ADGRL3: variants seen among roughly 807,000 people sequenced by gnomAD.
The protein encoded by ADGRL3 is adhesion G protein-coupled receptor L3.
In ADGRL3, 62 loss-of-function variants were observed where a neutral mutation model predicts 153.5. That is an observed-to-expected ratio of 0.40 (90% CI 0.33 to 0.50). The LOEUF is 0.50. Ranked by LOEUF, ADGRL3 falls within the 20% of genes least tolerant of loss-of-function variation. The pLI is 0.47. For synonymous variants in ADGRL3, 710 were observed against 672.5 expected (o/e 1.06, Z -0.86); for missense variants, 1,641 against 1,859.4 (o/e 0.88, Z 2.16).
chr4:61,479,950 A>G (rs758400419), intron 2 of ADGRL3, among the ~76,000 whole-genome samples: 4 of 152,168 alleles, frequency 2.6e-5, no homozygotes, highest in Non-Finnish European at 5.9e-5. Flanking sequence ...GCATGTATGC[A>G]TTGTGAAATT....
chr4:61,774,368 A>G (rs1187119223), intron 8 of ADGRL3, among the ~76,000 whole-genome samples: 22 of 148,000 alleles, frequency 1.5e-4, no homozygotes, highest in African/African-American at 5.5e-4. Flanking sequence ...AAAAAAAAAA[A>G]AAAGAAAGAA....
chr4:61,732,608 A>G (rs1297426043), intron 7 of ADGRL3, 146 bp from the exon 8 acceptor site: 3 of 442,348 alleles, frequency 6.8e-6, no homozygotes, highest in Non-Finnish European at 1.2e-5. Context: ...GTGGAAGAAT[A>G]CTTTGTGTTC....
In ADGRL3 at chr4:61,946,735, T is replaced by C. The variant is rs374572474; in HGVS notation, c.2420-179T>C. ...AGGCTCATTTTAAAAAATATTGGTA[T>C]GTAGTTGTTTTAGCATAATTTGAAT... On this transcript the variant is annotated intron_variant, in intron 15 of 26. Coordinates refer to ENST00000683033, the MANE Select transcript of ADGRL3 (RefSeq NM_001387552.1). Among the ~76,000 whole-genome samples, 24 of 152,332 alleles carry C rather than the reference T, an allele frequency of 1.6e-4. 2 individuals are homozygous for C. The South Asian group carries it at 5.0e-3, about 32-fold the overall frequency.
At chr4:61,605,011 A>G (rs2099026547) in intron 5 of ADGRL3, among the ~76,000 whole-genome samples, 1 of 146,092 alleles carries the variant, frequency 6.8e-6, no homozygotes, top group South Asian at 2.2e-4. Flanking sequence ...AATCACTTGA[A>G]CCTGGGAGGC....
chr4:61,401,529 C>T (rs924186217), intron 2 of ADGRL3, among the ~76,000 whole-genome samples: 1 of 151,930 alleles, frequency 6.6e-6, no homozygotes, highest in Non-Finnish European at 1.5e-5. Flanking sequence ...TAAAAGCCTG[C>T]TCAAATATAG....
At chr4:61,562,620 G>T (rs2098799822) in intron 4 of ADGRL3, among the ~76,000 whole-genome samples, 1 of 152,060 alleles carries the variant, frequency 6.6e-6, no homozygotes, top group South Asian at 2.1e-4. Context: ...CTCCTCTTCT[G>T]TTCAAGTTTG....
intron 11 of ADGRL3, among the ~76,000 whole-genome samples, chr4:61,897,065 A>T (rs144168319): frequency 2.1e-3 from 327 of 152,318 alleles, no homozygotes; most frequent in African/African-American, 7.6e-3. Context: ...ACTGATAATG[A>T]TGCTTAATTC....
At chr4:61,589,119 GT>G (rs1560893068) in intron 5 of ADGRL3, among the ~76,000 whole-genome samples, 2 of 151,988 alleles carry the variant, frequency 1.3e-5, no homozygotes, top group African/African-American at 2.4e-5. Context: ...TATGGGATGC[GT>G]ACACTAAGTG....
rs150512616 is a variant in ADGRL3 at position 61,725,072 on chromosome 4, T to C, written c.584-5550T>C. Among the ~76,000 whole-genome samples, 389 of 152,288 alleles carry C rather than the reference T, an allele frequency of 2.6e-3. 5 individuals are homozygous for C. Among genetic ancestry groups the C allele is most frequent in the African/African-American group, 8.5e-3 (354 of 41,580 alleles). The stretch of plus-strand genomic sequence containing the variant: ...TTTCTTTGAAAATACCATAGTGCCA[T>C]TTAGTCATTGCACAAAGCATGGCAA... On this transcript the variant is annotated intron_variant, in intron 6 of 26. Coordinates refer to ENST00000683033, the MANE Select transcript of ADGRL3 (RefSeq NM_001387552.1).
intron 17 of ADGRL3, among the ~76,000 whole-genome samples, chr4:61,952,632 A>G (rs1422829117): frequency 6.6e-6 from 1 of 152,186 alleles, no homozygotes; most frequent in Non-Finnish European, 1.5e-5. Flanking sequence ...TTAAATTTTG[A>G]TGTTCGAAGG....
intron 9 of ADGRL3, among the ~76,000 whole-genome samples, chr4:61,815,857 T>C (rs2097682862): frequency 6.6e-6 from 1 of 152,190 alleles, no homozygotes; most frequent in Non-Finnish European, 1.5e-5. Context: ...AGAGCAGCCC[T>C]CACCAGACAC....
chr4:61,242,997 G>T (rs1437776640), intron 1 of ADGRL3, among the ~76,000 whole-genome samples: 1 of 152,040 alleles, frequency 6.6e-6, no homozygotes, highest in Non-Finnish European at 1.5e-5. Context: ...TAGGGCAAGT[G>T]CCATAAGCAG....
intron 1 of ADGRL3, among the ~76,000 whole-genome samples, chr4:61,365,384 A>G: frequency 6.6e-6 from 1 of 152,228 alleles, no homozygotes; most frequent in East Asian, 1.9e-4. Flanking sequence ...AAAGGCATAG[A>G]ACACACTCCC....
chr4:61,242,017 C>T (rs1176355298), intron 1 of ADGRL3, among the ~76,000 whole-genome samples: 1 of 152,026 alleles, frequency 6.6e-6, no homozygotes, highest in East Asian at 1.9e-4. Context: ...CCTCCAGCTT[C>T]CTCTCACATC....
At chr4:61,611,650 C>T (rs984233933) in intron 5 of ADGRL3, among the ~76,000 whole-genome samples, 9 of 152,062 alleles carry the variant, frequency 5.9e-5, no homozygotes, top group African/African-American at 1.4e-4. Flanking sequence ...AGGCCAGGCA[C>T]GGCGGCTCGT....
rs80057322 is a variant in ADGRL3, at chr4:61,310,822, C to T, written c.-239-72302C>T. Among the ~76,000 whole-genome samples the T allele has an allele frequency of 2.0e-4, 30 of 151,598 alleles. No homozygotes were observed. In the East Asian group the frequency reaches 5.4e-3, roughly 28 times the overall value. On this transcript the variant is annotated intron_variant, in intron 1 of 26. Transcript: ENST00000683033. The stretch of plus-strand genomic sequence containing the variant: ...CTTCAGGGGAAGATAATTGAATCAC[C>T]TCCGGCTGAGTGCTTGTGGACCCTA...
intron 5 of ADGRL3, among the ~76,000 whole-genome samples, chr4:61,668,852 T>A (rs2094895370): frequency 6.6e-6 from 1 of 152,096 alleles, no homozygotes. Context: ...ACCTCATCTC[T>A]ACAAAAAGTA....
chr4:61,244,756 G>A (rs1175003738), intron 1 of ADGRL3, among the ~76,000 whole-genome samples: 4 of 151,992 alleles, frequency 2.6e-5, no homozygotes, highest in Non-Finnish European at 4.4e-5. Flanking sequence ...ATCTCGAATA[G>A]TGGGTCAGAG....
chr4:61,646,510 C>T lies in ADGRL3; in HGVS notation c.474-30316C>T, dbSNP rs142686097. ...GTTATCTAACAGACAGGACCCTCAG[C>T]TGCAGGTCTGTTGGAGTACTGGGCC... On this transcript the variant is annotated intron_variant, in intron 5 of 26. Coordinates refer to ENST00000683033, the MANE Select transcript of ADGRL3 (RefSeq NM_001387552.1). Among the ~76,000 whole-genome samples the T allele has an allele frequency of 9.9e-4, 150 of 151,534 alleles. 3 individuals are homozygous for T. The South Asian group carries it at 0.014, about 14-fold the overall frequency.
Sources: gnomAD v4.1 joint callset for allele counts (sites outside exome capture counted in the v4.1 genomes callset) on GRCh38, gnomAD v4.1.1 for gene constraint, MANE v1.5 for transcripts, NCBI Gene and HGNC (gene_info 2026-07-23, HGNC 2026-07-21) for gene names.